The following MACC1 variants were observed in gnomAD, a reference collection of about 807,000 sequenced individuals.
MACC1 encodes the protein MET transcriptional regulator MACC1.
Under a neutral mutation model 70.7 loss-of-function variants are expected in MACC1, and 79 were observed. The ratio of observed to expected loss-of-function variants is 1.12; its 90% CI spans 0.93 to 1.35. The LOEUF is 1.35. Ranked by LOEUF, MACC1 falls within the 40% of genes most tolerant of loss-of-function variation. MACC1 has a pLI of 0.00. For missense variants in MACC1, 1,106 were observed against 978.1 expected, an observed-to-expected ratio of 1.13 and a Z score of -1.74; for synonymous variants, 361 against 347.2, an observed-to-expected ratio of 1.04 and a Z score of -0.44.
rs186578702 is a variant in MACC1, at chr7:20,158,923, T to A, written c.1438A>T (p.Met480Leu). The change falls in exon 5 of 7, where the codon ATG (methionine) becomes TTG (leucine). Residue 480 changes from methionine to leucine, a missense_variant. Physicochemically the swap from Met to Leu is conservative, Grantham distance 15. Transcript: ENST00000400331. Reference sequence around the variant, plus strand: ...TGAACACAAAAATCAAACAAGTGCATCTCTCTGTGCTCAACTAAAGAAAAT... The same window carrying A: ...TGAACACAAAAATCAAACAAGTGCAACTCTCTGTGCTCAACTAAAGAAAAT... ...FLFSLVEHRE[M>L]HLFDFCVQVE... 2.2e-4 allele frequency: 363 copies of A among 1,614,026 alleles called. 1 individual carries two copies. In the East Asian group the frequency reaches 7.6e-3, roughly 34 times the overall value.
intron 1 of MACC1, among the ~76,000 whole-genome samples, chr7:20,205,049 A>G (rs1357049631): frequency 6.6e-6 from 1 of 152,130 alleles, no homozygotes; most frequent in Non-Finnish European, 1.5e-5. Context: ...AAAGTTTGAT[A>G]TATGAATTCA....
chr7:20,145,163 T>G (rs1345079274), intron 6 of MACC1, among the ~76,000 whole-genome samples: 1 of 152,194 alleles, frequency 6.6e-6, no homozygotes, highest in African/African-American at 2.4e-5. Flanking sequence ...TCTGCAGGGT[T>G]GGTTGGTAAA....
At position 20,159,384 on chromosome 7, in the gene MACC1, C is replaced by A; in HGVS notation, c.977G>T (p.Cys326Phe). Reference sequence around the variant, plus strand: ...TTGGATGGTGTCTTTATAAATGTAGCAGTTGCTTAAAACTTTAAAAGGGCC... The same window carrying A: ...TTGGATGGTGTCTTTATAAATGTAGAAGTTGCTTAAAACTTTAAAAGGGCC... ...KEGPFKVLSN[C>F]YIYKDTIQVK... is the part of the protein sequence containing the mutation. The change falls in exon 5 of 7, where the codon TGC (cysteine) becomes TTC (phenylalanine). Residue 326 changes from cysteine (C) to phenylalanine (F), a missense_variant. By Grantham distance (205) the Cys-to-Phe change is radical. Coordinates refer to ENST00000400331, the MANE Select transcript of MACC1 (RefSeq NM_182762.4). The A allele has an allele frequency of 1.9e-6, 3 of 1,614,028 alleles. No homozygotes were observed.
intron 1 of MACC1, among the ~76,000 whole-genome samples, chr7:20,214,444 C>T (rs1231569785): frequency 1.3e-5 from 2 of 152,098 alleles, no homozygotes; most frequent in Non-Finnish European, 2.9e-5. Context: ...TTTTCCACTA[C>T]CAATTGCCAC....
rs1781775001 is a variant in MACC1, at chr7:20,140,097, ACAC to A, written c.*846_*848del. On this transcript the variant is annotated 3_prime_UTR_variant, in exon 7 of 7. Coordinates refer to ENST00000400331, the MANE Select transcript of MACC1 (RefSeq NM_182762.4). ...AAGATGCTGAAGGGAGCTGATGAAA[ACAC>A]TAGGTCCATGCATGCAGACAACAGA... 1 of 152,148 alleles carries A rather than the reference ACAC, an allele frequency of 6.6e-6. No individual in the cohort carries two copies. The highest frequency in any genetic ancestry group is 2.4e-5 in the African/African-American group (1 of 41,440). The allele number at this position is 152,148 out of a possible 1,614,324, so 9.4% of individuals were successfully genotyped here.
intron 4 of MACC1, 118 bp downstream of exon 4, chr7:20,161,630 C>T: frequency 1.6e-6 from 1 of 613,326 alleles, no homozygotes; most frequent in Non-Finnish European, 2.9e-6. Flanking sequence ...ATGATAAAAA[C>T]AAGATTTTAT....
chr7:20,158,653 G>A lies in MACC1; in HGVS notation c.1708C>T (p.Leu570Phe). 2 of 1,613,966 alleles carry A rather than the reference G, an allele frequency of 1.2e-6. No homozygotes were observed. Among genetic ancestry groups the A allele is most frequent in the Non-Finnish European group, 1.7e-6 (2 of 1,179,966 alleles). Residue 570 changes from leucine to phenylalanine, a missense_variant, in exon 5 of 7, where the codon CTT (leucine) becomes TTT (phenylalanine). Transcript: ENST00000400331. ...ATTGTGTCCCCTTTGAAATATTCAA[G>A]GAAGTAATCAATCTTGCTTTGTCTT... ...VLRQSKIDYFLEYFKGDTIAL... is the reference protein window; with the variant it reads ...VLRQSKIDYFFEYFKGDTIAL...
intron 6 of MACC1, among the ~76,000 whole-genome samples, chr7:20,152,007 G>T (rs1453306760): frequency 6.6e-6 from 1 of 152,148 alleles, no homozygotes; most frequent in African/African-American, 2.4e-5. Flanking sequence ...TTAGATATTA[G>T]TGTCTGCCCC....
At chr7:20,154,817 G>T (rs777083925) in intron 5 of MACC1, among the ~76,000 whole-genome samples, 3 of 152,042 alleles carry the variant, frequency 2.0e-5, no homozygotes, top group Non-Finnish European at 4.4e-5. Context: ...TTTCTTTAAA[G>T]TGTATGTGAA....
In MACC1 at chr7:20,159,470, TC is replaced by T; in HGVS notation, c.890del (p.Arg297LysfsTer9). The T allele has an allele frequency of 1.2e-6, 2 of 1,614,074 alleles. No individual in the cohort carries two copies. The highest frequency in any genetic ancestry group is 1.7e-6 in the Non-Finnish European group (2 of 1,180,010). The part of the protein sequence containing the change: ...LLEMKIGAEV[R>X]KDPFSQVMTE... ...TCATGACTTGGCTGAAAGGATCCTT[TC>T]TTACTTCAGCCCCAATTTTCATCTC... On this transcript the variant is annotated frameshift_variant, in exon 5 of 7. Transcript: ENST00000400331. LOFTEE classifies it high-confidence loss of function.
At chr7:20,189,946 T>C (rs1245997243) in intron 1 of MACC1, among the ~76,000 whole-genome samples, 2 of 152,150 alleles carry the variant, frequency 1.3e-5, no homozygotes, top group Non-Finnish European at 2.9e-5. Flanking sequence ...GTGAGGGCCC[T>C]CTTCCTTGTT....
chr7:20,167,619 A>G (rs1782239846), intron 2 of MACC1, among the ~76,000 whole-genome samples: 1 of 151,272 alleles, frequency 6.6e-6, no homozygotes, highest in Non-Finnish European at 1.5e-5. Flanking sequence ...TAGCAAACAC[A>G]TTTTTGAACT....
intron 1 of MACC1, among the ~76,000 whole-genome samples, chr7:20,194,697 C>T (rs571944618): frequency 2.0e-5 from 3 of 152,318 alleles, no homozygotes; most frequent in South Asian, 2.1e-4. Flanking sequence ...CTTTCAACTA[C>T]GTCTTGGTAA....
At position 20,137,401 on chromosome 7, in the gene MACC1, ACAGTTAATGACACAC is replaced by A. The variant is rs1490057759; in HGVS notation, c.*3530_*3544del. On this transcript the variant is annotated 3_prime_UTR_variant, in exon 7 of 7. Coordinates refer to ENST00000400331, the MANE Select transcript of MACC1 (RefSeq NM_182762.4). ...GTGCTGTATCCATTTATTAGTATGA[ACAGTTAATGACACAC>A]TATTGAATGCTTCTACTTAATTGTT... The A allele has an allele frequency of 6.6e-6, 1 of 152,220 alleles. No homozygotes were observed. Among genetic ancestry groups the A allele is most frequent in the Non-Finnish European group, 1.5e-5 (1 of 68,040 alleles). The allele number at this position is 152,220 out of a possible 1,614,324, so 9.4% of individuals were successfully genotyped here. A position where few individuals can be genotyped will look rare whatever the true frequency, so the allele number is the denominator to read the frequency against.
chr7:20,174,705 C>T (rs879411074), intron 1 of MACC1, among the ~76,000 whole-genome samples: 3 of 152,024 alleles, frequency 2.0e-5, no homozygotes, highest in Admixed American at 6.6e-5. Context: ...AAATATAAAG[C>T]ATATAGTAAA....
chr7:20,154,906 A>G (rs1782033655), intron 5 of MACC1, among the ~76,000 whole-genome samples: 1 of 152,040 alleles, frequency 6.6e-6, no homozygotes, highest in African/African-American at 2.4e-5. Context: ...TGTGTTTAAA[A>G]AAAAGAGACA....
At chr7:20,162,266 G>T (rs549397780) in intron 3 of MACC1, among the ~76,000 whole-genome samples, 2 of 151,936 alleles carry the variant, frequency 1.3e-5, no homozygotes, top group Non-Finnish European at 2.9e-5. Flanking sequence ...GTATACATTC[G>T]ATGCAGTTCC....
chr7:20,164,427 C>T (rs1287042210), intron 2 of MACC1, 28 bp from the exon 3 acceptor site: 2 of 151,178 alleles, frequency 1.3e-5, no homozygotes, highest in Admixed American at 6.6e-5. Context: ...AAAATTAAAA[C>T]AAGATGGAAA....
intron 1 of MACC1, among the ~76,000 whole-genome samples, chr7:20,199,044 T>C (rs1256773724): frequency 1.3e-5 from 2 of 152,226 alleles, no homozygotes; most frequent in African/African-American, 4.8e-5. Flanking sequence ...GCTGCCAGTA[T>C]GTAAGGAGAA....
Sources: gnomAD v4.1 joint callset for allele counts (sites outside exome capture counted in the v4.1 genomes callset) on GRCh38, gnomAD v4.1.1 for gene constraint, MANE v1.5 for transcripts, NCBI Gene and HGNC (gene_info 2026-07-23, HGNC 2026-07-21) for gene names.